ZPLD1: variants seen among roughly 807,000 people sequenced by gnomAD.
ZPLD1 encodes the protein zona pellucida like domain containing 1, also known as zona pellucida-like domain-containing protein 1.
In ZPLD1, 34 loss-of-function variants were observed where a neutral mutation model predicts 47.2. The ratio of observed to expected loss-of-function variants is 0.72; its 90% CI spans 0.55 to 0.96. The LOEUF (loss-of-function observed/expected upper bound fraction) is 0.96. Among genes scored for constraint, ZPLD1 ranks in the 40% least tolerant of loss-of-function variants. The probability of loss-of-function intolerance (pLI) is 0.00; values close to 1 mark genes in which losing one functional copy is unlikely to be tolerated. For synonymous variants in ZPLD1, 176 were observed against 186.2 expected (o/e 0.95, Z 0.45); for missense variants, 512 against 505.8 (o/e 1.01, Z -0.12).
At chr3:102,422,491 T>A (rs1440859144) in intron 8 of ZPLD1, among the ~76,000 whole-genome samples, 1 of 152,042 alleles carries the variant, frequency 6.6e-6, no homozygotes. Flanking sequence ...TGCATAGCAT[T>A]TTTAGAACTG....
chr3:102,396,166 C>T (rs550570310), intron 7 of ZPLD1, among the ~76,000 whole-genome samples: 7 of 152,224 alleles, frequency 4.6e-5, no homozygotes, highest in Admixed American at 6.5e-5. Context: ...GATAGTCCAT[C>T]GCAATGCATG....
chr3:102,398,559 C>G (rs1210732581), intron 7 of ZPLD1, among the ~76,000 whole-genome samples: 3 of 152,116 alleles, frequency 2.0e-5, no homozygotes, highest in African/African-American at 7.2e-5. Flanking sequence ...TCCTAAAACA[C>G]TGTTTTGCAC....
At position 102,464,338 on chromosome 3, in the gene ZPLD1, T is replaced by C. The variant is rs76383575; in HGVS notation, c.761+87T>C. 0.017 allele frequency: 15,750 copies of C among 952,648 alleles called. 897 individuals are homozygous for C. In the African/African-American group the frequency reaches 0.17, roughly 10 times the overall value. 59.0% of individuals were successfully genotyped at this position (952,648 alleles called of 1,614,324 possible). On this transcript the variant is annotated intron_variant, in intron 8 of 11. Transcript: ENST00000466937. ...TGGAATATCTAAGTCAGATAAATTA[T>C]AAAGCACTATTATAGCTTTTGAATT...
intron 7 of ZPLD1, among the ~76,000 whole-genome samples, chr3:102,407,780 T>C (rs530517339): frequency 2.0e-5 from 3 of 151,684 alleles, no homozygotes; most frequent in African/African-American, 7.3e-5. Context: ...TTTATTGTCC[T>C]GAATGCCAAC....
chr3:102,473,988 CT>C (rs912039509), intron 10 of ZPLD1, among the ~76,000 whole-genome samples: 1 of 152,166 alleles, frequency 6.6e-6, no homozygotes, highest in African/African-American at 2.4e-5. Flanking sequence ...TGAACCACTC[CT>C]TTTCCCTAGA....
In ZPLD1 at chr3:102,469,096, C is replaced by A; in HGVS notation, c.894C>A (p.Thr298=). 1 of 1,613,980 alleles carries A rather than the reference C, an allele frequency of 6.2e-7. No individual in the cohort carries two copies. The highest frequency in any genetic ancestry group is 8.5e-7 in the Non-Finnish European group (1 of 1,179,926). The change falls in exon 9 of 12, where the codon ACC becomes ACA. Residue 298 remains threonine (T), a synonymous_variant. Transcript: ENST00000466937. ...CCACTGTCTTCTTGCACTGCGTTACCAAGCTCTGCAGAGCAGATGACTGCC... is the reference window on the plus strand; with the variant it reads ...CCACTGTCTTCTTGCACTGCGTTACAAAGCTCTGCAGAGCAGATGACTGCC... ...KMSTVFLHCV[T]KLCRADDCPF... is the part of the protein sequence containing the mutation.
chr3:102,414,626 G>C (rs1294101630), intron 7 of ZPLD1, among the ~76,000 whole-genome samples: 2 of 151,750 alleles, frequency 1.3e-5, no homozygotes, highest in African/African-American at 4.8e-5. Flanking sequence ...AGTAAAGCTA[G>C]TTCCTGGAAT....
Position 102,477,753 on chromosome 3 carries a change from G to T in ZPLD1, c.*135G>T, listed in dbSNP as rs527420378. On this transcript the variant is annotated 3_prime_UTR_variant, in exon 12 of 12. Transcript: ENST00000466937. ...TTTGATAAATTTCACAGTATAGCTT[G>T]TCAGCATAATGATAGTGAAAGAAGT... 2.1e-5 allele frequency: 17 copies of T among 822,226 alleles called. No individual in the cohort carries two copies. In the African/African-American group the frequency reaches 3.0e-4, roughly 14 times the overall value. 50.9% of individuals were successfully genotyped at this position (822,226 alleles called of 1,614,324 possible).
intron 7 of ZPLD1, among the ~76,000 whole-genome samples, chr3:102,416,722 C>A (rs1341697994): frequency 6.6e-6 from 1 of 151,772 alleles, no homozygotes; most frequent in Non-Finnish European, 1.5e-5. Context: ...GTGCTTAACC[C>A]CCTCAAATAC....
rs978057355 is a variant in ZPLD1, at chr3:102,477,715, C to A, written c.*97C>A. On this transcript the variant is annotated 3_prime_UTR_variant, in exon 12 of 12. Coordinates refer to ENST00000466937, the MANE Select transcript of ZPLD1 (RefSeq NM_001329788.2). ...TCTGAATTTCATGTCAGTCCACATT[C>A]AATATTTGTAGGTTTGATAAATTTC... 5.2e-6 allele frequency: 6 copies of A among 1,162,148 alleles called. No individual in the cohort carries two copies. In the African/African-American group the frequency reaches 7.9e-5, roughly 15 times the overall value. 72.0% of individuals were successfully genotyped at this position (1,162,148 alleles called of 1,614,324 possible).
chr3:102,468,614 C>G (rs1707633805), intron 8 of ZPLD1, among the ~76,000 whole-genome samples: 1 of 152,034 alleles, frequency 6.6e-6, no homozygotes, highest in Non-Finnish European at 1.5e-5. Flanking sequence ...TTCATATACC[C>G]TGGGAATGAT....
chr3:102,386,312 C>T, intron 6 of ZPLD1, among the ~76,000 whole-genome samples: 1 of 141,856 alleles, frequency 7.0e-6, no homozygotes, highest in Admixed American at 7.2e-5. Context: ...TTTCCAAATA[C>T]AGGTGGCTCT....
chr3:102,457,933 A>G (rs1022159469), intron 6 of ZPLD1, 80 bp downstream of exon 6: 2 of 1,394,508 alleles, frequency 1.4e-6, no homozygotes, highest in Non-Finnish European at 2.0e-6. Flanking sequence ...TTATATAAAA[A>G]TCTACTGAAA....
intron 6 of ZPLD1, among the ~76,000 whole-genome samples, chr3:102,388,851 A>AT (rs1174222434): frequency 2.0e-5 from 3 of 152,046 alleles, no homozygotes; most frequent in Non-Finnish European, 4.4e-5. Context: ...GAGACTTCTG[A>AT]TTTTTTTGTC....
At chr3:102,456,144 A>G (rs1707409026) in intron 4 of ZPLD1, 49 bp from the exon 5 acceptor site, 1 of 1,501,434 alleles carries the variant, frequency 6.7e-7, no homozygotes, top group Middle Eastern at 1.8e-4. Context: ...AAGTGCCTAG[A>G]TGTATATATA....
At chr3:102,477,302 C>A in intron 11 of ZPLD1, 141 bp from the exon 12 acceptor site, 1 of 1,042,566 alleles carries the variant, frequency 9.6e-7, no homozygotes, top group Non-Finnish European at 1.4e-6. Context: ...GAATTACAGT[C>A]AAATAGATTG....
chr3:102,475,304 AATAC>A (rs1707743030), intron 10 of ZPLD1, among the ~76,000 whole-genome samples: 1 of 152,118 alleles, frequency 6.6e-6, no homozygotes, highest in African/African-American at 2.4e-5. Context: ...TGTTGGTGGT[AATAC>A]GGGGAGTGCA....
At chr3:102,454,307 G>A (rs113673414) in intron 4 of ZPLD1, among the ~76,000 whole-genome samples, 4 of 152,258 alleles carry the variant, frequency 2.6e-5, no homozygotes, top group African/African-American at 9.6e-5. Context: ...TGTGCAGAGA[G>A]GTTATGAAGT....
intron 6 of ZPLD1, among the ~76,000 whole-genome samples, chr3:102,388,602 T>G (rs1382307940): frequency 1.3e-5 from 2 of 152,156 alleles, no homozygotes; most frequent in East Asian, 3.9e-4. Flanking sequence ...ATTTTCCTGT[T>G]TACCACTAGT....
Sources: gnomAD v4.1 joint callset for allele counts (sites outside exome capture counted in the v4.1 genomes callset) on GRCh38, gnomAD v4.1.1 for gene constraint, MANE v1.5 for transcripts, NCBI Gene and HGNC (gene_info 2026-07-23, HGNC 2026-07-21) for gene names.